Variants in GABRR2 observed in about 807,000 individuals in gnomAD.
The protein encoded by GABRR2 is gamma-aminobutyric acid type A receptor subunit rho2.
Under a neutral mutation model 47.0 loss-of-function variants are expected in GABRR2, and 36 were observed. The ratio of observed to expected loss-of-function variants is 0.77; its 90% CI spans 0.59 to 1.01. GABRR2 has a LOEUF of 1.01. GABRR2 is among the 50% of genes least tolerant of loss of function. The pLI, the probability that GABRR2 is intolerant of heterozygous loss-of-function variation, is 0.00. For missense variants in GABRR2, 587 were observed against 594.6 expected (o/e 0.99, Z 0.13); for synonymous variants, 204 against 227.5 (o/e 0.90, Z 0.93).
At position 89,263,042 on chromosome 6, in the gene GABRR2, T is replaced by C. The variant is rs563427226; in HGVS notation, c.1086+1370A>G. ...AATCTCCCAGTTGTATTCTGTCTCA[T>C]AGTTTGCAGTTGACCCTTGAACAAC... is the stretch of plus-strand genomic sequence containing the variant. On this transcript the variant is annotated intron_variant, in intron 8 of 8. Transcript: ENST00000402938. Among the ~76,000 whole-genome samples, 419 of 152,310 alleles carry C rather than the reference T, an allele frequency of 2.8e-3. 4 individuals are homozygous for C. Among genetic ancestry groups the C allele is most frequent in the Non-Finnish European group, 3.3e-3 (222 of 68,032 alleles).
chr6:89,297,125 C>A (rs1472079234), intron 2 of GABRR2, among the ~76,000 whole-genome samples: 1 of 152,178 alleles, frequency 6.6e-6, no homozygotes, highest in Non-Finnish European at 1.5e-5. Context: ...GGACCCTGGG[C>A]ACTTTTGCTT....
chr6:89,302,904 CTCAGAGCAGT>C, intron 1 of GABRR2: 1 of 1,183,954 alleles, frequency 8.4e-7, no homozygotes, highest in Non-Finnish European at 1.2e-6. Context: ...GTTCAAGCAT[CTCAGAGCAGT>C]TCACGGACAT....
intron 2 of GABRR2, among the ~76,000 whole-genome samples, chr6:89,298,301 C>A (rs1188038494): frequency 6.6e-6 from 1 of 152,184 alleles, no homozygotes; most frequent in African/African-American, 2.4e-5. Flanking sequence ...TTCTTAATCC[C>A]TTAACAGTCA....
rs769840691 is a variant in GABRR2, at chr6:89,264,574, G to C, written c.924C>G (p.Ile308Met). ...ITTVLTMTTI[I>M]TGVNASMPRV... ...GCGGCATGGAGGCATTCACGCCCGTGATGATGGTGGTCATGGTCAGCACCG... is the reference window on the plus strand; with the variant it reads ...GCGGCATGGAGGCATTCACGCCCGTCATGATGGTGGTCATGGTCAGCACCG... Residue 308 changes from isoleucine (I) to methionine (M), a missense_variant, in exon 8 of 9, where the codon ATC becomes ATG. Coordinates refer to ENST00000402938, the MANE Select transcript of GABRR2 (RefSeq NM_002043.5). 1 of 1,614,196 alleles carries C rather than the reference G, an allele frequency of 6.2e-7. No homozygotes were observed. Among genetic ancestry groups the C allele is most frequent in the East Asian group, 2.2e-5 (1 of 44,874 alleles).
rs116931667 is a variant in GABRR2, at chr6:89,269,682, T to A, written c.289-448A>T. On this transcript the variant is annotated intron_variant, in intron 3 of 8. Transcript: ENST00000402938. ...GATTCTTGCCGTTAGGCTTATAAGA[T>A]CCTTGAAGGAAAAATTGTGTCTTGC... Among the ~76,000 whole-genome samples, 15 of 152,342 alleles carry A rather than the reference T, an allele frequency of 9.8e-5. No individual in the cohort carries two copies. In the East Asian group the frequency reaches 2.9e-3, roughly 29 times the overall value.
intron 6 of GABRR2, among the ~76,000 whole-genome samples, chr6:89,267,421 A>C (rs775556609): frequency 1.3e-5 from 2 of 152,074 alleles, no homozygotes; most frequent in African/African-American, 2.4e-5. Context: ...TTTAAAAATT[A>C]GCTGGACATG....
At chr6:89,284,457 G>A (rs570451299) in intron 2 of GABRR2, among the ~76,000 whole-genome samples, 3 of 152,164 alleles carry the variant, frequency 2.0e-5, no homozygotes, top group Non-Finnish European at 4.4e-5. Context: ...ACCTTACAAT[G>A]GGGAGAGTAG....
chr6:89,290,777 C>G (rs760599242), intron 2 of GABRR2, among the ~76,000 whole-genome samples: 1 of 152,186 alleles, frequency 6.6e-6, no homozygotes, highest in East Asian at 1.9e-4. Flanking sequence ...TCTCCTGCAT[C>G]GCTCTTGGCC....
intron 8 of GABRR2, among the ~76,000 whole-genome samples, chr6:89,260,752 A>G (rs114805886): frequency 0.015 from 2,333 of 152,140 alleles, 80 homozygotes; most frequent in African/African-American, 0.054. Flanking sequence ...ATTTTTTGAG[A>G]CCCTGTCTCA....
intron 2 of GABRR2, among the ~76,000 whole-genome samples, chr6:89,284,945 G>A (rs996360973): frequency 3.9e-5 from 6 of 152,164 alleles, no homozygotes; most frequent in Admixed American, 2.6e-4. Context: ...ATATGTTGAT[G>A]GACTACCTCA....
At chr6:89,300,171 C>G (rs910226380) in intron 1 of GABRR2, among the ~76,000 whole-genome samples, 2 of 152,002 alleles carry the variant, frequency 1.3e-5, no homozygotes, top group African/African-American at 4.8e-5. Context: ...GCTAGCTAGA[C>G]TAATAAAGAA....
chr6:89,280,297 C>T (rs1774237842), intron 2 of GABRR2, among the ~76,000 whole-genome samples: 2 of 144,962 alleles, frequency 1.4e-5, no homozygotes, highest in African/African-American at 2.6e-5. Flanking sequence ...GTTACATCAA[C>T]ATTGTCATTA....
intron 2 of GABRR2, among the ~76,000 whole-genome samples, chr6:89,281,560 CG>C (rs775992614): frequency 6.6e-5 from 10 of 152,144 alleles, no homozygotes; most frequent in East Asian, 5.8e-4. Flanking sequence ...CAGATGTGCA[CG>C]TTTTTTTTTA....
At chr6:89,277,595 C>T (rs1024153312) in intron 2 of GABRR2, among the ~76,000 whole-genome samples, 1 of 151,354 alleles carries the variant, frequency 6.6e-6, no homozygotes, top group African/African-American at 2.4e-5. Context: ...GCCCAATGCC[C>T]ACCATTACAC....
At chr6:89,302,716 G>A (rs1570028) in intron 1 of GABRR2, 722,438 of 1,355,220 alleles carry the variant, frequency 0.53, 200,823 homozygotes, top group African/African-American at 0.78. Flanking sequence ...ACCGTGTTCC[G>A]GGGCTGCCTG....
intron 8 of GABRR2, among the ~76,000 whole-genome samples, chr6:89,261,360 T>C (rs1436212466): frequency 6.6e-6 from 1 of 152,176 alleles, no homozygotes; most frequent in Non-Finnish European, 1.5e-5. Context: ...TATAATATAT[T>C]TGGAGATGTA....
intron 2 of GABRR2, among the ~76,000 whole-genome samples, chr6:89,292,100 T>C (rs1774451416): frequency 6.6e-6 from 1 of 152,058 alleles, no homozygotes; most frequent in Admixed American, 6.6e-5. Flanking sequence ...GCTCAAAAAA[T>C]ACATATGTGT....
intron 2 of GABRR2, among the ~76,000 whole-genome samples, chr6:89,279,191 A>C (rs2127838988): frequency 6.6e-6 from 1 of 152,210 alleles, no homozygotes; most frequent in South Asian, 2.1e-4. Context: ...CTGGTCCTTC[A>C]TGCCACCCAC....
chr6:89,274,043 A>G (rs577985744), intron 2 of GABRR2, among the ~76,000 whole-genome samples: 58 of 152,308 alleles, frequency 3.8e-4, no homozygotes, highest in African/African-American at 1.2e-3. Context: ...TGGCTCAGGC[A>G]TTTTCCAGAT....
Sources: allele counts gnomAD v4.1 joint callset (sites outside exome capture counted in the v4.1 genomes callset), GRCh38; gene constraint gnomAD v4.1.1; transcripts MANE v1.5; gene names NCBI Gene and HGNC (gene_info 2026-07-23, HGNC 2026-07-21).